Variants in B3GLCT observed in about 807,000 individuals in gnomAD.
B3GLCT encodes the protein beta-1,3-glucosyltransferase.
B3GLCT carries 65 observed loss-of-function variants against 63.4 expected under a neutral mutation model. The observed-to-expected ratio is 1.03, with a 90% CI of 0.84 to 1.26. The LOEUF (loss-of-function observed/expected upper bound fraction) is 1.26, where lower values mean the gene tolerates loss of function less well. Ranked by LOEUF, B3GLCT falls within the 50% of genes most tolerant of loss-of-function variation. The pLI, the probability that B3GLCT is intolerant of heterozygous loss-of-function variation, is 0.00. For missense variants in B3GLCT, 577 were observed against 604.8 expected (o/e 0.95, Z 0.48); for synonymous variants, 233 against 219.2 (o/e 1.06, Z -0.55).
At chr13:31,296,703 A>AT (rs11314313) in intron 12 of B3GLCT, among the ~76,000 whole-genome samples, 15 of 151,256 alleles carry the variant, frequency 9.9e-5, no homozygotes, top group African/African-American at 3.7e-4. Flanking sequence ...ATTATGTAAC[A>AT]TTTTTTTTTT....
At chr13:31,231,511 C>G (rs2137775851) in intron 4 of B3GLCT, among the ~76,000 whole-genome samples, 1 of 152,312 alleles carries the variant, frequency 6.6e-6, no homozygotes, top group Admixed American at 6.5e-5. Flanking sequence ...CCATCCAAGT[C>G]TAGTTGATTG....
intron 4 of B3GLCT, among the ~76,000 whole-genome samples, chr13:31,230,636 T>C (rs1048866922): frequency 6.6e-6 from 1 of 152,222 alleles, no homozygotes; most frequent in Non-Finnish European, 1.5e-5. Context: ...CATCGTACTT[T>C]CTCAAGGGAG....
chr13:31,323,964 A>T, intron 14 of B3GLCT, 69 bp downstream of exon 14: 1 of 1,571,578 alleles, frequency 6.4e-7, no homozygotes, highest in Non-Finnish European at 8.8e-7. Context: ...TAAGGATTTG[A>T]CTTCTTTCTC....
At chr13:31,227,409 C>T (rs1050548522) in intron 3 of B3GLCT, among the ~76,000 whole-genome samples, 3 of 152,140 alleles carry the variant, frequency 2.0e-5, no homozygotes, top group Admixed American at 6.5e-5. Flanking sequence ...TTAGATGTGT[C>T]AGTTTATATT....
At chr13:31,204,161 G>C (rs141371691) in intron 1 of B3GLCT, among the ~76,000 whole-genome samples, 141 of 152,340 alleles carry the variant, frequency 9.3e-4, no homozygotes, top group African/African-American at 3.2e-3. Context: ...CATGCTGCAG[G>C]GAGATAGATG....
At chr13:31,274,759 A>G in intron 9 of B3GLCT, 131 bp downstream of exon 9, 1 of 1,143,230 alleles carries the variant, frequency 8.7e-7, no homozygotes, top group South Asian at 1.3e-5. Flanking sequence ...ATAAGGGTAT[A>G]TTGTGTGATG....
At chr13:31,201,637 T>C (rs9571506) in intron 1 of B3GLCT, among the ~76,000 whole-genome samples, 139,316 of 152,188 alleles carry the variant, frequency 0.92, 64,232 homozygotes, top group East Asian at 0.98. Context: ...CTGAAATTGG[T>C]ATTCTATTTA....
chr13:31,209,181 T>TG (rs1308352557), intron 1 of B3GLCT, among the ~76,000 whole-genome samples: 1 of 152,220 alleles, frequency 6.6e-6, no homozygotes, highest in Non-Finnish European at 1.5e-5. Context: ...CTACCCAGCT[T>TG]GTCTGCTACT....
At chr13:31,242,273 G>T (rs1870991822) in intron 4 of B3GLCT, among the ~76,000 whole-genome samples, 1 of 152,064 alleles carries the variant, frequency 6.6e-6, no homozygotes, top group Admixed American at 6.5e-5. Flanking sequence ...TCTTCATATA[G>T]CTCTGTTCTT....
chr13:31,327,474 C>T (rs542511687), intron 14 of B3GLCT, among the ~76,000 whole-genome samples: 2 of 152,334 alleles, frequency 1.3e-5, no homozygotes, highest in South Asian at 4.1e-4. Flanking sequence ...CAACTTAAAA[C>T]TTAGGAATTG....
rs1375775212 is a variant in B3GLCT, at chr13:31,329,349, A to G, written c.1330-152A>G. On this transcript the variant is annotated intron_variant, in intron 14 of 14. Coordinates refer to ENST00000343307, the MANE Select transcript of B3GLCT (RefSeq NM_194318.4). ...CAAAGCACCTGGAGTTAGAAGAAAGATATCAGAAAATAGTTTCCTTTTTGC... is the reference window on the plus strand; with the variant it reads ...CAAAGCACCTGGAGTTAGAAGAAAGGTATCAGAAAATAGTTTCCTTTTTGC... 4 of 824,946 alleles carry G rather than the reference A, an allele frequency of 4.8e-6. No homozygotes were observed. The African/African-American group carries it at 5.1e-5, about 11-fold the overall frequency. 51.1% of individuals were successfully genotyped at this position (824,946 alleles called of 1,614,324 possible).
intron 4 of B3GLCT, among the ~76,000 whole-genome samples, chr13:31,232,233 TC>T (rs1323292689): frequency 6.6e-6 from 1 of 152,186 alleles, no homozygotes; most frequent in East Asian, 1.9e-4. Flanking sequence ...TATTAGTCCA[TC>T]TTTGCATCGC....
intron 11 of B3GLCT, among the ~76,000 whole-genome samples, chr13:31,285,836 T>G (rs575993133): frequency 6.6e-6 from 1 of 152,294 alleles, no homozygotes; most frequent in African/African-American, 2.4e-5. Flanking sequence ...TTAATAATCA[T>G]GTATTTACTT....
chr13:31,287,386 G>A lies in B3GLCT; in HGVS notation c.1064+567G>A, dbSNP rs186300111. On this transcript the variant is annotated intron_variant, in intron 12 of 14. Transcript: ENST00000343307. ...CACATGCCTGGGCTGGAAAACCCCT[G>A]TTCACAAGGTATTGAGAACAGCGTG... Among the ~76,000 whole-genome samples, 882 of 152,256 alleles carry A rather than the reference G, an allele frequency of 5.8e-3. 8 individuals carry two copies. The highest frequency in any genetic ancestry group is 0.02 in the African/African-American group (838 of 41,552).
intron 8 of B3GLCT, among the ~76,000 whole-genome samples, chr13:31,271,427 A>G (rs1021420857): frequency 6.6e-6 from 1 of 152,206 alleles, no homozygotes; most frequent in Non-Finnish European, 1.5e-5. Flanking sequence ...TGCTTCTATG[A>G]ATATTTTTAA....
chr13:31,229,783 T>A (rs1405108065), intron 4 of B3GLCT, among the ~76,000 whole-genome samples: 2 of 150,130 alleles, frequency 1.3e-5, no homozygotes, highest in African/African-American at 4.9e-5. Context: ...TTTGGTTAAT[T>A]CCTAATGCAC....
intron 1 of B3GLCT, 90 bp downstream of exon 1, chr13:31,200,244 G>GCAGGGCGGCC (rs1940110632): frequency 2.4e-6 from 2 of 819,106 alleles, no homozygotes; most frequent in Non-Finnish European, 3.0e-6. Context: ...GGAGGGAGGC[G>GCAGGGCGGCC]CAGGGCGGCC....
At chr13:31,262,039 G>A (rs1480988551) in intron 7 of B3GLCT, among the ~76,000 whole-genome samples, 2 of 152,160 alleles carry the variant, frequency 1.3e-5, no homozygotes, top group East Asian at 3.9e-4. Flanking sequence ...ATTATTTTTG[G>A]GAACTGAATT....
chr13:31,237,125 C>CA (rs56194545), intron 4 of B3GLCT, among the ~76,000 whole-genome samples: 88,734 of 139,002 alleles, frequency 0.64, 28,643 homozygotes, highest in Middle Eastern at 0.75. Context: ...GACTCCATCT[C>CA]AAAAAAAAAA....
Sources: allele counts gnomAD v4.1 joint callset (sites outside exome capture counted in the v4.1 genomes callset), GRCh38; gene constraint gnomAD v4.1.1; transcripts MANE v1.5; gene names NCBI Gene and HGNC (gene_info 2026-07-23, HGNC 2026-07-21).